The following USP9X variants were observed in gnomAD, a reference collection of about 807,000 sequenced individuals.
USP9X encodes the protein ubiquitin carboxyl-terminal hydrolase 9X.
USP9X carries 7 observed loss-of-function variants against 190.3 expected under a neutral mutation model. That is an observed-to-expected ratio of 0.04 (90% CI 0.02 to 0.07). The LOEUF (loss-of-function observed/expected upper bound fraction) is 0.07. USP9X is among the 10% of genes least tolerant of loss of function. The pLI is 1.00. For missense variants in USP9X, 1,010 were observed against 1,916.9 expected (o/e 0.53, Z 8.83); for synonymous variants, 645 against 659.5 (o/e 0.98, Z 0.34).
intron 14 of USP9X, among the ~76,000 whole-genome samples, chrX:41,154,558 T>C (rs770121629): frequency 2.7e-5 from 3 of 111,728 alleles, no homozygotes; most frequent in Non-Finnish European, 3.8e-5. Context: ...TCTGCTACAT[T>C]TTAGTACAAT....
intron 3 of USP9X, 126 bp downstream of exon 3, chrX:41,129,271 T>G (rs1468544731): frequency 4.4e-5 from 30 of 687,786 alleles, no homozygotes; most frequent in Non-Finnish European, 6.0e-5. Flanking sequence ...ATAGATTTAA[T>G]AAATGAAAGG....
chrX:41,214,745 A>G (rs762647607), intron 34 of USP9X, 36 bp downstream of exon 34: 2 of 1,156,098 alleles, frequency 1.7e-6, no homozygotes, highest in South Asian at 4.1e-5. Flanking sequence ...TTTTGATTAC[A>G]TTTAATGGAT....
intron 14 of USP9X, among the ~76,000 whole-genome samples, chrX:41,161,978 G>T (rs539927722): frequency 9.0e-5 from 10 of 110,624 alleles, no homozygotes; most frequent in African/African-American, 3.3e-4. Flanking sequence ...GAGTGTTTAT[G>T]CCTGTTTGCA....
chrX:41,221,413 G>A (rs914109025), intron 38 of USP9X, among the ~76,000 whole-genome samples: 2 of 111,843 alleles, frequency 1.8e-5, no homozygotes, highest in African/African-American at 3.3e-5. Context: ...CATAAAATAT[G>A]TTAATAGCTA....
chrX:41,100,998 A>C (rs1012575164), intron 1 of USP9X, among the ~76,000 whole-genome samples: 1 of 111,273 alleles, frequency 9.0e-6, no homozygotes, highest in African/African-American at 3.3e-5. Flanking sequence ...TTTATATGTG[A>C]TATTCTATCA....
At chrX:41,097,376 C>T (rs1169718738) in intron 1 of USP9X, among the ~76,000 whole-genome samples, 3 of 111,677 alleles carry the variant, frequency 2.7e-5, no homozygotes, top group Non-Finnish European at 5.6e-5. Context: ...TACCTCATTT[C>T]TTATTTTACT....
chrX:41,196,764 A>G (rs939051594), intron 28 of USP9X, 26 bp downstream of exon 28: 5 of 1,041,164 alleles, frequency 4.8e-6, no homozygotes, highest in Non-Finnish European at 6.5e-6. Context: ...TACTCCATTT[A>G]TATGTCATTA....
At chrX:41,210,782 A>C in intron 33 of USP9X, 100 bp downstream of exon 33, 2 of 794,083 alleles carry the variant, frequency 2.5e-6, no homozygotes, top group Non-Finnish European at 3.6e-6. Flanking sequence ...GGAGTATATC[A>C]CTGATTACTA....
chrX:41,217,115 T>A (rs1215803249), intron 35 of USP9X, 105 bp from the exon 36 acceptor site: 21 of 927,270 alleles, frequency 2.3e-5, no homozygotes, highest in Non-Finnish European at 2.5e-5. Flanking sequence ...CTGAGAAGGG[T>A]TCTTAACAAA....
At chrX:41,103,903 ATTTG>A (rs1187633641) in intron 1 of USP9X, among the ~76,000 whole-genome samples, 1 of 111,724 alleles carries the variant, frequency 9.0e-6, no homozygotes, top group Non-Finnish European at 1.9e-5. Flanking sequence ...AGGGTCGTTC[ATTTG>A]TTCATTCTTT....
At chrX:41,223,472 T>C (rs2063282856) in intron 39 of USP9X, 70 bp downstream of exon 39, 4 of 1,110,918 alleles carry the variant, frequency 3.6e-6, no homozygotes, top group Non-Finnish European at 4.9e-6. Flanking sequence ...AGTTTTGCTG[T>C]TGTTGCCCAG....
At chrX:41,191,253 C>T (rs746866085) in intron 26 of USP9X, among the ~76,000 whole-genome samples, 3 of 107,019 alleles carry the variant, frequency 2.8e-5, no homozygotes, top group South Asian at 4.2e-4. Context: ...TGCTTGAACC[C>T]GGAAGGCGGA....
intron 36 of USP9X, 82 bp from the exon 37 acceptor site, chrX:41,218,290 T>G: frequency 2.1e-6 from 2 of 957,147 alleles, no homozygotes; most frequent in Non-Finnish European, 2.9e-6. Context: ...GTCTTTTTTT[T>G]TTGGTTCAAT....
chrX:41,234,976 T>C lies in USP9X; in HGVS notation c.*2452T>C, dbSNP rs2063390479. The C allele has an allele frequency of 2.7e-5, 3 of 112,227 alleles. No individual in the cohort carries two copies. The highest frequency in any genetic ancestry group is 9.7e-5 in the African/African-American group (3 of 30,862). 9.2% of individuals were successfully genotyped at this position (112,227 alleles called of 1,213,427 possible). A position where few individuals can be genotyped will look rare whatever the true frequency, so the allele number is the denominator to read the frequency against. ...TACCATCTCACCATCTGAGAGGAGA[T>C]TTATATATTTCCTGCTGCTCCTTAA... On this transcript the variant is annotated 3_prime_UTR_variant, in exon 45 of 45. Transcript: ENST00000378308.
At chrX:41,103,991 A>G (rs998810453) in intron 1 of USP9X, among the ~76,000 whole-genome samples, 4 of 111,790 alleles carry the variant, frequency 3.6e-5, no homozygotes, top group African/African-American at 9.8e-5. Flanking sequence ...CCTACTGTCA[A>G]ATTTTCTTCA....
chrX:41,174,729 T>G (rs757748586), intron 21 of USP9X, among the ~76,000 whole-genome samples: 7 of 112,165 alleles, frequency 6.2e-5, no homozygotes, highest in Non-Finnish European at 1.3e-4. Flanking sequence ...GCACAGTGAC[T>G]CATGCCTATC....
chrX:41,156,652 G>A (rs1272875812), intron 14 of USP9X, among the ~76,000 whole-genome samples: 3 of 111,703 alleles, frequency 2.7e-5, no homozygotes, highest in Non-Finnish European at 3.8e-5. Context: ...CTGCTCTTAA[G>A]GCAGGGATAT....
chrX:41,226,983 C>G (rs765086581), intron 41 of USP9X, among the ~76,000 whole-genome samples: 2 of 111,558 alleles, frequency 1.8e-5, no homozygotes, highest in South Asian at 3.7e-4. Context: ...TAAGCACTTA[C>G]AGTTTTAAAC....
At chrX:41,107,399 C>T (rs2062078650) in intron 1 of USP9X, among the ~76,000 whole-genome samples, 1 of 112,352 alleles carries the variant, frequency 8.9e-6, no homozygotes, top group African/African-American at 3.2e-5. Flanking sequence ...GAGAAATCAG[C>T]TGTTGGTCTT....
Sources: gnomAD v4.1 joint callset for allele counts (sites outside exome capture counted in the v4.1 genomes callset) on GRCh38, gnomAD v4.1.1 for gene constraint, MANE v1.5 for transcripts, NCBI Gene and HGNC (gene_info 2026-07-23, HGNC 2026-07-21) for gene names.